Variants in PIN4 observed in about 807,000 individuals in gnomAD.
PIN4 encodes peptidylprolyl cis/trans isomerase, NIMA-interacting 4.
PIN4 carries 3 observed loss-of-function variants against 8.3 expected under a neutral mutation model. The ratio of observed to expected loss-of-function variants is 0.36; its 90% CI spans 0.16 to 0.93. The LOEUF (loss-of-function observed/expected upper bound fraction) is 0.93. Among genes scored for constraint, PIN4 ranks in the 40% least tolerant of loss-of-function variants. The pLI is 0.44. For synonymous variants in PIN4, 18 were observed against 32.5 expected, an observed-to-expected ratio of 0.55 and a Z score of 1.52; for missense variants, 75 against 100.6, an observed-to-expected ratio of 0.75 and a Z score of 1.09.
chrX:72,238,860 C>T (rs764754545), intron 3 of PIN4: 2 of 1,193,766 alleles, frequency 1.7e-6, no homozygotes, highest in African/African-American at 3.5e-5. Context: ...TAATGAGCAG[C>T]CTGCTCTGGG....
chrX:72,235,071 T>C lies in PIN4; in HGVS notation c.313-27636T>C, dbSNP rs747007320. On this transcript the variant is annotated intron_variant, in intron 3 of 3. Coordinates refer to the PIN4 transcript ENST00000423432. ...GATTTAGCAAAATGTATTAGTTTCC[T>C]ATTGCTGCCGTTACAAATCATCACA... 8.9e-5 allele frequency among the ~76,000 whole-genome samples: 10 copies of C among 112,313 alleles called. No homozygotes were observed. In the Middle Eastern group the frequency reaches 0.018, roughly 207 times the overall value.
chrX:72,213,429 G>C (rs1366193704), intron 3 of PIN4, among the ~76,000 whole-genome samples: 1 of 111,675 alleles, frequency 9.0e-6, no homozygotes, highest in Non-Finnish European at 1.9e-5. Flanking sequence ...GGGCAACCTC[G>C]TCTGGGTCCC....
chrX:72,211,293 G>A (rs955225429), intron 3 of PIN4, among the ~76,000 whole-genome samples: 3 of 110,653 alleles, frequency 2.7e-5, no homozygotes, highest in African/African-American at 9.9e-5. Flanking sequence ...TGGGAGCCAA[G>A]AGGACAGGGA....
At chrX:72,205,769 T>C in intron 3 of PIN4, 1 of 1,211,974 alleles carries the variant, frequency 8.3e-7, no homozygotes, top group Non-Finnish European at 1.1e-6. Context: ...AACTCCCAAC[T>C]GAGACATGTT....
chrX:72,195,975 T>G (rs761735688), intron 2 of PIN4, among the ~76,000 whole-genome samples: 1 of 108,249 alleles, frequency 9.2e-6, no homozygotes, highest in South Asian at 4.1e-4. Context: ...AAAAATTAGC[T>G]GGGCGTGGTA....
At chrX:72,228,202 C>T (rs748813101) in intron 3 of PIN4, among the ~76,000 whole-genome samples, 14 of 112,327 alleles carry the variant, frequency 1.2e-4, no homozygotes, top group East Asian at 8.4e-4. Context: ...CTCCTTTGTT[C>T]GGTGTACTCT....
chrX:72,246,329 C>T (rs2043067055), intron 3 of PIN4, among the ~76,000 whole-genome samples: 2 of 112,050 alleles, frequency 1.8e-5, no homozygotes, highest in South Asian at 3.7e-4. Context: ...ACTGCCACCA[C>T]GGTAGTCTAT....
upstream of PIN4, chrX:72,181,737 G>C (rs2042673261): frequency 8.5e-7 from 1 of 1,172,611 alleles, no homozygotes; most frequent in African/African-American, 1.7e-5. Flanking sequence ...TTCTAAAGGG[G>C]CTTGTACGGC....
chrX:72,223,754 C>G (rs1256711105), intron 3 of PIN4, among the ~76,000 whole-genome samples: 1 of 111,334 alleles, frequency 9.0e-6, no homozygotes, highest in Non-Finnish European at 1.9e-5. Flanking sequence ...CCTCTGCTGT[C>G]CAAAGGTCAG....
intron 3 of PIN4, among the ~76,000 whole-genome samples, chrX:72,210,700 C>G (rs1183900710): frequency 9.0e-6 from 1 of 111,512 alleles, no homozygotes; most frequent in Non-Finnish European, 1.9e-5. Context: ...GCCTAGACTT[C>G]TTAGCACCAG....
intron 3 of PIN4, chrX:72,208,303 T>G (rs1602437589): frequency 8.3e-7 from 1 of 1,210,273 alleles, no homozygotes; most frequent in African/African-American, 1.7e-5. Flanking sequence ...GTTAATAAGA[T>G]TGGTTGGCAT....
At chrX:72,205,541 A>T (rs1388064711) in intron 3 of PIN4, 1 of 1,211,519 alleles carries the variant, frequency 8.3e-7, no homozygotes, top group Non-Finnish European at 1.1e-6. Flanking sequence ...ATTTGAGATG[A>T]AAAGAACCTT....
chrX:72,192,032 A>T (rs1321089158), intron 2 of PIN4, among the ~76,000 whole-genome samples: 1 of 110,250 alleles, frequency 9.1e-6, no homozygotes, highest in East Asian at 2.8e-4. Context: ...GCTCACTGCA[A>T]CCTCCATCTC....
At chrX:72,194,552 G>A (rs58538874) in intron 2 of PIN4, among the ~76,000 whole-genome samples, 15,254 of 103,603 alleles carry the variant, frequency 0.15, 1,199 homozygotes, top group East Asian at 0.45. Context: ...AAAATTAGCC[G>A]CTAGCCAGGC....
At chrX:72,242,906 G>A (rs780229936) in intron 3 of PIN4, among the ~76,000 whole-genome samples, 60 of 111,617 alleles carry the variant, frequency 5.4e-4, no homozygotes, top group African/African-American at 1.9e-3. Context: ...CCAGCTACTT[G>A]GGAGGCTGAG....
chrX:72,230,645 C>A (rs1352970528), intron 3 of PIN4, among the ~76,000 whole-genome samples: 1 of 112,074 alleles, frequency 8.9e-6, no homozygotes, highest in African/African-American at 3.2e-5. Context: ...CGCTTGTATA[C>A]TGTTGGTACT....
intron 3 of PIN4, among the ~76,000 whole-genome samples, chrX:72,260,912 T>TA (rs779695083): frequency 8.9e-6 from 1 of 111,962 alleles, no homozygotes; most frequent in Non-Finnish European, 1.9e-5. Context: ...AGAGCTGAAG[T>TA]AAAAGGCAAA....
intron 3 of PIN4, among the ~76,000 whole-genome samples, chrX:72,215,815 C>T (rs890303522): frequency 1.8e-5 from 2 of 110,724 alleles, no homozygotes; most frequent in Non-Finnish European, 3.8e-5. Context: ...ATAACTACAT[C>T]CCTCCTGAAG....
chrX:72,183,461 A>C (rs994914854), intron 1 of PIN4, among the ~76,000 whole-genome samples: 2 of 111,942 alleles, frequency 1.8e-5, no homozygotes, highest in East Asian at 5.6e-4. Context: ...CAGGCAGAGA[A>C]AGAGGCAGAC....
Sources: allele counts gnomAD v4.1 joint callset (sites outside exome capture counted in the v4.1 genomes callset), GRCh38; gene constraint gnomAD v4.1.1; transcripts MANE v1.5; gene names NCBI Gene and HGNC (gene_info 2026-07-23, HGNC 2026-07-21).